The following EMG1 variants were observed in gnomAD, a reference collection of about 807,000 sequenced individuals.
EMG1 encodes ribosomal RNA small subunit methyltransferase NEP1.
Under a neutral mutation model 26.9 loss-of-function variants are expected in EMG1, and 24 were observed. The observed-to-expected ratio is 0.89, with a 90% CI of 0.65 to 1.26. EMG1 has a LOEUF of 1.26. Ranked by LOEUF, EMG1 falls within the 50% of genes most tolerant of loss-of-function variation. The pLI, the probability that EMG1 is intolerant of heterozygous loss-of-function variation, is 0.00. For synonymous variants in EMG1, 140 were observed against 112.6 expected (o/e 1.24, Z -1.54); for missense variants, 299 against 307.6 (o/e 0.97, Z 0.21).
chr12:6,994,483 C>T (rs1300995459), intron 7 of EMG1, among the ~76,000 whole-genome samples: 1 of 152,032 alleles, frequency 6.6e-6, no homozygotes, highest in Non-Finnish European at 1.5e-5. Flanking sequence ...GCTGGGATTA[C>T]AGGCGTGAGC....
chr12:6,986,514 G>A (rs1424366545), intron 6 of EMG1, among the ~76,000 whole-genome samples: 16 of 152,108 alleles, frequency 1.1e-4, no homozygotes, highest in Admixed American at 9.8e-4. Flanking sequence ...GCCGGGTGTG[G>A]TGGCTCATGC....
Position 6,974,345 on chromosome 12 carries a change from A to G in EMG1, c.175A>G (p.Lys59Glu). 6.2e-7 allele frequency: 1 copy of G among 1,610,758 alleles called. No homozygotes were observed. The highest frequency in any genetic ancestry group is 8.5e-7 in the Non-Finnish European group (1 of 1,177,462). ...CATGTTCCCTGTTCTTCAGGTAGGGAAGACATATGAGCTACTCAACTGTGA... is the reference window on the plus strand; with the variant it reads ...CATGTTCCCTGTTCTTCAGGTAGGGGAGACATATGAGCTACTCAACTGTGA... ...GASLETVKVG[K>E]TYELLNCDKH... Residue 59 changes from lysine to glutamate, a missense_variant, in exon 2 of 6, where the codon AAG (lysine) becomes GAG (glutamate). Transcript: ENST00000599672.
At chr12:6,994,490 G>T (rs782611635) in intron 7 of EMG1, among the ~76,000 whole-genome samples, 2 of 151,160 alleles carry the variant, frequency 1.3e-5, no homozygotes, top group African/African-American at 4.9e-5. Flanking sequence ...TTACAGGCGT[G>T]AGCCACCGGG....
downstream of EMG1, chr12:6,981,189 C>G (rs1266725693): frequency 2.5e-6 from 4 of 1,600,824 alleles, no homozygotes; most frequent in Admixed American, 6.9e-5. Flanking sequence ...AATTCTATGC[C>G]AAGAAGAGAA....
chr12:6,981,404 T>C, downstream of EMG1: 3 of 709,600 alleles, frequency 4.2e-6, no homozygotes, highest in South Asian at 3.5e-5. Flanking sequence ...CTCTGGACTT[T>C]GTGCAAGAGC....
downstream of EMG1, among the ~76,000 whole-genome samples, chr12:6,984,471 G>A (rs1946502334): frequency 6.6e-6 from 1 of 152,234 alleles, no homozygotes; most frequent in African/African-American, 2.4e-5. Flanking sequence ...CTGCACTAGT[G>A]CATATGTGGA....
chr12:6,972,017 G>T (rs372281027), intron 1 of EMG1, among the ~76,000 whole-genome samples: 1 of 151,414 alleles, frequency 6.6e-6, no homozygotes, highest in Non-Finnish European at 1.5e-5. Flanking sequence ...AGAAGAAATC[G>T]CATTGGTTTA....
At chr12:6,980,140 TG>T (rs1946455494), downstream of EMG1, among the ~76,000 whole-genome samples, 1 of 151,882 alleles carries the variant, frequency 6.6e-6, no homozygotes, top group Admixed American at 6.6e-5. Flanking sequence ...CTTGAACTCC[TG>T]GGCTCAAGCG....
downstream of EMG1, chr12:6,982,656 G>C: frequency 2.5e-6 from 4 of 1,572,172 alleles, no homozygotes; most frequent in Non-Finnish European, 3.5e-6. Context: ...AGCCTGAGCT[G>C]CTAAGGGAAA....
chr12:6,972,949 C>CA lies in EMG1; in HGVS notation c.169-1389dup, dbSNP rs782332743. Among the ~76,000 whole-genome samples the CA allele has an allele frequency of 1.7e-3, 257 of 151,972 alleles. 1 individual carries two copies. The South Asian group carries it at 0.03, about 18-fold the overall frequency. ...ACTTCCCTGGCTCAAGCAGTCCTCC[C>CA]ACCTCATCCTCCTGAGTAACTGGGA... On this transcript the variant is annotated intron_variant, in intron 1 of 5. Coordinates refer to ENST00000599672, the MANE Select transcript of EMG1 (RefSeq NM_006331.8).
chr12:6,989,670 A>ACT, downstream of EMG1, among the ~76,000 whole-genome samples: 2 of 152,162 alleles, frequency 1.3e-5, no homozygotes, highest in Non-Finnish European at 2.9e-5. Context: ...GTTGTAGTCA[A>ACT]GCACAGGGAG....
At chr12:6,982,790 C>T (rs1555154313), downstream of EMG1, 5 of 1,592,584 alleles carry the variant, frequency 3.1e-6, no homozygotes, top group Non-Finnish European at 4.3e-6. Flanking sequence ...TTCCTGGATG[C>T]AAGAAGAGAG....
At position 6,974,263 on chromosome 12, in the gene EMG1, G is replaced by T. The variant is rs1015986312; in HGVS notation, c.169-76G>T. On this transcript the variant is annotated intron_variant, in intron 1 of 5. Coordinates refer to ENST00000599672, the MANE Select transcript of EMG1 (RefSeq NM_006331.8). Reference sequence around the variant, plus strand: ...GGTGCAGCTGCTGCTGGTAGTTTGGGGACCACACTTGAAGAACCACGGGGC... The same window carrying T: ...GGTGCAGCTGCTGCTGGTAGTTTGGTGACCACACTTGAAGAACCACGGGGC... The T allele has an allele frequency of 2.4e-5, 26 of 1,063,288 alleles. 1 individual carries two copies. In the Admixed American group the frequency reaches 3.8e-4, roughly 15 times the overall value. 65.9% of individuals were successfully genotyped at this position (1,063,288 alleles called of 1,614,324 possible).
intron 3 of EMG1, 38 bp downstream of exon 3, chr12:6,974,731 A>T: frequency 6.2e-7 from 1 of 1,610,574 alleles, no homozygotes; most frequent in Non-Finnish European, 8.5e-7. Context: ...TGAACTTGTC[A>T]GTAGGGAAGA....
chr12:6,975,714 G>A lies in EMG1; in HGVS notation c.640G>A (p.Glu214Lys), dbSNP rs781943557. ...AHGKVSVEYT[E>K]KMVSISNYPL... The stretch of plus-strand genomic sequence containing the variant: ...TTCTTAGGTCAGTGTGGAGTATACA[G>A]AGAAGATGGTGTCCATCAGTAACTA... The change falls in exon 6 of 6, where the codon GAG becomes AAG. Residue 214 changes from glutamate (E) to lysine (K), a missense_variant. Physicochemically the swap from Glu to Lys is moderately conservative, Grantham distance 56. Coordinates refer to ENST00000599672, the MANE Select transcript of EMG1 (RefSeq NM_006331.8). 4.3e-6 allele frequency: 7 copies of A among 1,611,334 alleles called. No homozygotes were observed. The highest frequency in any genetic ancestry group is 1.1e-5 in the South Asian group (1 of 91,038).
At chr12:6,980,519 T>C (rs781823654), downstream of EMG1, among the ~76,000 whole-genome samples, 1 of 151,522 alleles carries the variant, frequency 6.6e-6, no homozygotes, top group African/African-American at 2.4e-5. Flanking sequence ...CTATGTCTGA[T>C]AATTTTTGTA....
chr12:6,971,378 G>A (rs782313409), intron 1 of EMG1, among the ~76,000 whole-genome samples: 1 of 150,666 alleles, frequency 6.6e-6, no homozygotes, highest in Non-Finnish European at 1.5e-5. Context: ...CCTTCAAACA[G>A]TTCTCCTGAC....
In EMG1 at chr12:6,975,088, A is replaced by G. The variant is rs1555152910; in HGVS notation, c.413-2A>G. On this transcript the variant is annotated splice_acceptor_variant, in intron 3 of 5. Transcript: ENST00000599672. LOFTEE classifies it high-confidence loss of function. ...CTCTGAACTCTTTTTTCCCCCTTCT[A>G]GTTCAACTTTTACACAAGCTCAGTG... 1 of 1,613,912 alleles carries G rather than the reference A, an allele frequency of 6.2e-7. No homozygotes were observed. The highest frequency in any genetic ancestry group is 8.5e-7 in the Non-Finnish European group (1 of 1,179,844).
rs1291150422 is a variant in EMG1 at position 6,976,388 on chromosome 12, G to T, written c.*579G>T. On this transcript the variant is annotated 3_prime_UTR_variant, in exon 6 of 6. Transcript: ENST00000599672. ...GAGAGATAAGGCAATGTGCATGGGGGAATCAGAGGGGAGATGTGAGCCCCT... is the reference window on the plus strand; with the variant it reads ...GAGAGATAAGGCAATGTGCATGGGGTAATCAGAGGGGAGATGTGAGCCCCT... 2.0e-5 allele frequency: 3 copies of T among 153,626 alleles called. No homozygotes were observed. The highest frequency in any genetic ancestry group is 1.9e-4 in the East Asian group (1 of 5,198). 9.5% of individuals were successfully genotyped at this position (153,626 alleles called of 1,614,324 possible).
Sources: allele counts gnomAD v4.1 joint callset (sites outside exome capture counted in the v4.1 genomes callset), GRCh38; gene constraint gnomAD v4.1.1; transcripts MANE v1.5; gene names NCBI Gene and HGNC (gene_info 2026-07-23, HGNC 2026-07-21).